The following PCDHA8 variants were observed in gnomAD, a reference collection of about 807,000 sequenced individuals.
PCDHA8 encodes protocadherin alpha-8.
A neutral mutation model predicts 61.8 loss-of-function variants in PCDHA8; 53 were observed. The observed-to-expected ratio is 0.86, with a 90% CI of 0.69 to 1.08. The LOEUF (loss-of-function observed/expected upper bound fraction) is 1.08, where lower values mean the gene tolerates loss of function less well. Among genes scored for constraint, PCDHA8 ranks in the 50% least tolerant of loss-of-function variants. The pLI is 0.00. For missense variants in PCDHA8, 1,293 were observed against 1,245.0 expected, an observed-to-expected ratio of 1.04 and a Z score of -0.58; for synonymous variants, 618 against 556.6, an observed-to-expected ratio of 1.11 and a Z score of -1.55.
At chr5:140,876,961 C>A in intron 1 of PCDHA8, 1 of 1,613,154 alleles carries the variant, frequency 6.2e-7, no homozygotes, top group Non-Finnish European at 8.5e-7. Flanking sequence ...GCTGGTGGAG[C>A]GGCGGGTGGG....
intron 1 of PCDHA8, among the ~76,000 whole-genome samples, chr5:140,936,995 A>G (rs2091251299): frequency 6.6e-6 from 1 of 151,864 alleles, no homozygotes; most frequent in Non-Finnish European, 1.5e-5. Flanking sequence ...CATTGACAAT[A>G]TTGAGACAGA....
At chr5:140,925,236 T>C (rs1398147161) in intron 1 of PCDHA8, among the ~76,000 whole-genome samples, 1 of 152,202 alleles carries the variant, frequency 6.6e-6, no homozygotes, top group African/African-American at 2.4e-5. Context: ...TACCAGAAAA[T>C]ATGTCCTGGA....
intron 1 of PCDHA8, among the ~76,000 whole-genome samples, chr5:140,875,148 G>T (rs1267290548): frequency 2.0e-5 from 3 of 152,118 alleles, no homozygotes; most frequent in Non-Finnish European, 4.4e-5. Context: ...TAAATGATCC[G>T]TGAAAAATAA....
At chr5:140,940,667 T>A (rs1167360120) in intron 1 of PCDHA8, among the ~76,000 whole-genome samples, 5 of 152,224 alleles carry the variant, frequency 3.3e-5, no homozygotes, top group African/African-American at 1.2e-4. Context: ...TAAATCTTCA[T>A]CTGATAATTC....
intron 1 of PCDHA8, chr5:140,855,784 A>T: frequency 2.4e-6 from 1 of 425,516 alleles, no homozygotes; most frequent in Non-Finnish European, 4.2e-6. Flanking sequence ...TACGTAAAAA[A>T]AGAATTAACA....
intron 1 of PCDHA8, among the ~76,000 whole-genome samples, chr5:140,902,203 CT>C (rs148688132): frequency 0.19 from 23,745 of 124,094 alleles, 1,540 homozygotes; most frequent in African/African-American, 0.29. Flanking sequence ...CTCTCTCTTT[CT>C]TTTTTTTTTT....
At chr5:140,920,609 G>C (rs1319890021) in intron 1 of PCDHA8, among the ~76,000 whole-genome samples, 1 of 152,160 alleles carries the variant, frequency 6.6e-6, no homozygotes. Flanking sequence ...ACTTTGGGAG[G>C]CCGAGGCGGA....
chr5:140,862,988 C>A (rs1554157382), intron 1 of PCDHA8: 6 of 546,930 alleles, frequency 1.1e-5, no homozygotes, highest in Non-Finnish European at 2.2e-5. Context: ...GGCGAAGGTG[C>A]GCACGGTGGA....
chr5:140,992,235 G>A (rs1272038759), intron 3 of PCDHA8, among the ~76,000 whole-genome samples: 7 of 152,154 alleles, frequency 4.6e-5, no homozygotes, highest in African/African-American at 1.7e-4. Flanking sequence ...GGAAGAGTAA[G>A]GAAGGAAGTA....
At position 141,009,622 on chromosome 5, in the gene PCDHA8, T is replaced by C. The variant is rs782517998; in HGVS notation, c.2543-5T>C. On this transcript the variant is annotated splice_region_variant and splice_polypyrimidine_tract_variant and intron_variant, in intron 3 of 3. Coordinates refer to ENST00000531613, the MANE Select transcript of PCDHA8 (RefSeq NM_018911.3). ...GTTAATGATTTGTAATGTTTTGTCT[T>C]TCAGAACCAGAGGCAGGAGAAGTGT... is the stretch of plus-strand genomic sequence containing the variant. 6.2e-7 allele frequency: 1 copy of C among 1,612,598 alleles called. No homozygotes were observed.
intron 1 of PCDHA8, chr5:140,882,514 C>T: frequency 2.5e-6 from 4 of 1,614,150 alleles, no homozygotes; most frequent in Non-Finnish European, 3.4e-6. Context: ...TGCAGAATGG[C>T]ATTTTGTTTG....
intron 1 of PCDHA8, chr5:140,968,302 G>C (rs2096236958): frequency 6.2e-7 from 1 of 1,613,812 alleles, no homozygotes; most frequent in African/African-American, 1.3e-5. Context: ...TGGAGAGGGA[G>C]ATTCAAGGGC....
intron 1 of PCDHA8, among the ~76,000 whole-genome samples, chr5:140,846,179 C>G (rs1250648449): frequency 1.3e-5 from 2 of 149,200 alleles, no homozygotes; most frequent in African/African-American, 4.9e-5. Context: ...CCTGAGTAGG[C>G]GTTTGAGTTC....
intron 1 of PCDHA8, chr5:140,870,710 C>T (rs782716335): frequency 6.2e-7 from 1 of 1,613,092 alleles, no homozygotes; most frequent in South Asian, 1.1e-5. Flanking sequence ...CAGGTGAGCG[C>T]GCGCGATGCG....
At chr5:140,855,892 G>C in intron 1 of PCDHA8, 2 of 1,011,396 alleles carry the variant, frequency 2.0e-6, no homozygotes, top group Non-Finnish European at 2.9e-6. Context: ...TAGAACAAAG[G>C]CATCAGCCAG....
chr5:140,862,857 T>A (rs782223560), intron 1 of PCDHA8: 4 of 517,166 alleles, frequency 7.7e-6, no homozygotes, highest in Non-Finnish European at 1.5e-5. Flanking sequence ...TGAGCAGCAA[T>A]GTGACGCTGC....
Position 140,843,183 on chromosome 5 carries a change from C to T in PCDHA8, c.1862C>T (p.Pro621Leu). The T allele has an allele frequency of 6.3e-7, 1 of 1,596,024 alleles. No homozygotes were observed. The highest frequency in any genetic ancestry group is 8.6e-7 in the Non-Finnish European group (1 of 1,165,594). ...CCAGCTGCAAGCAGCCCTCGCATCCCGTTCCGCGTGGGGCTGTACACGGGC... is the reference window on the plus strand; with the variant it reads ...CCAGCTGCAAGCAGCCCTCGCATCCTGTTCCGCGTGGGGCTGTACACGGGC... ...LQPAASSPRI[P>L]FRVGLYTGEI... Residue 621 changes from proline to leucine, a missense_variant, in exon 1 of 4, where the codon CCG becomes CTG. Pro to Leu is a moderately conservative substitution (Grantham distance 98). Coordinates refer to ENST00000531613, the MANE Select transcript of PCDHA8 (RefSeq NM_018911.3).
At chr5:140,872,512 A>T (rs2053716713) in intron 1 of PCDHA8, among the ~76,000 whole-genome samples, 1 of 152,126 alleles carries the variant, frequency 6.6e-6, no homozygotes, top group Admixed American at 6.5e-5. Context: ...CTGTAGTCCC[A>T]GTTTCTTGGG....
At chr5:140,914,615 A>G (rs573524299) in intron 1 of PCDHA8, among the ~76,000 whole-genome samples, 12 of 151,836 alleles carry the variant, frequency 7.9e-5, no homozygotes, top group African/African-American at 2.9e-4. Context: ...GCCATTTTGT[A>G]ATTTGTTTTC....
Sources: allele counts gnomAD v4.1 joint callset (sites outside exome capture counted in the v4.1 genomes callset), GRCh38; gene constraint gnomAD v4.1.1; transcripts MANE v1.5; gene names NCBI Gene and HGNC (gene_info 2026-07-23, HGNC 2026-07-21).